DDIT4L: variants seen among roughly 807,000 people sequenced by gnomAD.
DDIT4L encodes DNA damage-inducible transcript 4-like protein.
A neutral mutation model predicts 15.9 loss-of-function variants in DDIT4L; 13 were observed. The observed-to-expected ratio is 0.82, with a 90% CI of 0.53 to 1.30. The LOEUF is 1.30. Among genes scored for constraint, DDIT4L ranks in the 50% most tolerant of loss-of-function variants. The probability of loss-of-function intolerance (pLI) is 0.00; values close to 1 mark genes in which losing one functional copy is unlikely to be tolerated. For missense variants in DDIT4L, 235 were observed against 224.8 expected, an observed-to-expected ratio of 1.05 and a Z score of -0.29; for synonymous variants, 82 against 85.4, an observed-to-expected ratio of 0.96 and a Z score of 0.22.
Position 100,188,149 on chromosome 4 carries a change from T to A in DDIT4L, c.110A>T (p.Tyr37Phe). 1 of 1,607,512 alleles carries A rather than the reference T, an allele frequency of 6.2e-7. No individual in the cohort carries two copies. The highest frequency in any genetic ancestry group is 8.5e-7 in the Non-Finnish European group (1 of 1,179,326). The change falls in exon 3 of 3, where the codon TAT (tyrosine) becomes TTT (phenylalanine). Residue 37 changes from tyrosine to phenylalanine, a missense_variant. Tyr to Phe is a conservative substitution (Grantham distance 22). Coordinates refer to ENST00000273990, the MANE Select transcript of DDIT4L (RefSeq NM_145244.4). The stretch of plus-strand genomic sequence containing the variant: ...GTTGAGGTTGGGTTCAGGAACAACA[T>A]AATCCCAGTAGTCAAAATCTGTAAG... ...SLLSDFDYWDYVVPEPNLNEV... is the reference protein window; with the variant it reads ...SLLSDFDYWDFVVPEPNLNEV...
At chr4:100,189,836 T>C (rs1723484658) in intron 2 of DDIT4L, 57 bp downstream of exon 2, 1 of 1,550,168 alleles carries the variant, frequency 6.5e-7, no homozygotes, top group Non-Finnish European at 8.9e-7. Flanking sequence ...GCCCACCCAA[T>C]AGATCCAGAG....
At position 100,187,708 on chromosome 4, in the gene DDIT4L, A is replaced by C; in HGVS notation, c.551T>G (p.Leu184Arg). ...FRLVKKKLYS[L>R]IGTTVIEGS is the part of the protein sequence containing the mutation. The stretch of plus-strand genomic sequence containing the variant: ...CCCTTCAATCACTGTTGTTCCAATC[A>C]GTGAGTAAAGTTTTTTCTTAACAAG... Residue 184 changes from leucine (L) to arginine (R), a missense_variant, in exon 3 of 3, where the codon CTG (leucine) becomes CGG (arginine). Physicochemically the swap from Leu to Arg is moderately radical, Grantham distance 102. Coordinates refer to ENST00000273990, the MANE Select transcript of DDIT4L (RefSeq NM_145244.4). 1 of 1,607,230 alleles carries C rather than the reference A, an allele frequency of 6.2e-7. No homozygotes were observed. Among genetic ancestry groups the C allele is most frequent in the Non-Finnish European group, 8.5e-7 (1 of 1,178,268 alleles).
At chr4:100,188,272 C>A (rs999640187) in intron 2 of DDIT4L, 105 bp from the exon 3 acceptor site, 6 of 1,227,734 alleles carry the variant, frequency 4.9e-6, no homozygotes, top group Middle Eastern at 2.3e-4. Context: ...CCATGTCTGC[C>A]TTTTTCTTGT....
rs1278596562 is a variant in DDIT4L, at chr4:100,189,897, TAGC to T, written c.84_86del (p.Leu29del). On this transcript the variant is annotated inframe_deletion, in exon 2 of 3. Coordinates refer to ENST00000273990, the MANE Select transcript of DDIT4L (RefSeq NM_145244.4). ...GTGGACAGCGGGGACACTCACCACT[TAGC>T]AGGCTCTCTGGGTGATAGCCACAGT... 2 of 1,613,774 alleles carry T rather than the reference TAGC, an allele frequency of 1.2e-6. No individual in the cohort carries two copies. Among genetic ancestry groups the T allele is most frequent in the African/African-American group, 1.3e-5 (1 of 74,898 alleles).
In DDIT4L at chr4:100,189,845, A is replaced by G. The variant is rs1723484839; in HGVS notation, c.91+48T>C. Reference sequence around the variant, plus strand: ...AAGCCCGCCCACCCAATAGATCCAGAGGCACCGACCTTGGGAGGGGAGAAG... The same window carrying G: ...AAGCCCGCCCACCCAATAGATCCAGGGGCACCGACCTTGGGAGGGGAGAAG... On this transcript the variant is annotated intron_variant, in intron 2 of 2. Transcript: ENST00000273990. The G allele has an allele frequency of 1.9e-6, 3 of 1,581,606 alleles. No individual in the cohort carries two copies. The East Asian group carries it at 6.8e-5, about 36-fold the overall frequency.
intron 2 of DDIT4L, 47 bp downstream of exon 2, chr4:100,189,846 G>C (rs753276414): frequency 6.3e-7 from 1 of 1,585,270 alleles, no homozygotes; most frequent in East Asian, 2.3e-5. Context: ...TAGATCCAGA[G>C]GCACCGACCT....
intron 2 of DDIT4L, among the ~76,000 whole-genome samples, 194 bp downstream of exon 2, chr4:100,189,699 G>A (rs565721496): frequency 2.6e-5 from 4 of 152,254 alleles, no homozygotes; most frequent in African/African-American, 7.2e-5. Context: ...GCAGCCCTCG[G>A]GTATTCTACT....
At position 100,187,931 on chromosome 4, in the gene DDIT4L, C is replaced by T. The variant is rs140725424; in HGVS notation, c.328G>A (p.Val110Met). The T allele has an allele frequency of 1.5e-4, 240 of 1,614,092 alleles. 1 individual carries two copies. In the East Asian group the frequency reaches 3.5e-3, roughly 24 times the overall value. The change falls in exon 3 of 3, where the codon GTG (valine) becomes ATG (methionine). Residue 110 changes from valine (V) to methionine (M), a missense_variant. Coordinates refer to ENST00000273990, the MANE Select transcript of DDIT4L (RefSeq NM_145244.4). ...PCGLRGCVMH[V>M]NLEIENVCKK... is the part of the protein sequence containing the mutation. ...CATACATTTTCAATTTCCAAGTTCA[C>T]GTGCATAACACAACCTCGCAAGCCG...
chr4:100,187,594 G>A lies in DDIT4L; in HGVS notation c.*83C>T. The A allele has an allele frequency of 1.4e-6, 2 of 1,456,416 alleles. No individual in the cohort carries two copies. Among genetic ancestry groups the A allele is most frequent in the Non-Finnish European group, 1.8e-6 (2 of 1,099,268 alleles). 90.2% of individuals were successfully genotyped at this position (1,456,416 alleles called of 1,614,324 possible). ...TGGGGTTTCTTATTTAGGGCAGGTG[G>A]GGCAAACTACAAATGACTTTAGCTG... On this transcript the variant is annotated 3_prime_UTR_variant, in exon 3 of 3. Coordinates refer to ENST00000273990, the MANE Select transcript of DDIT4L (RefSeq NM_145244.4).
rs1228057018 is a variant in DDIT4L at position 100,187,361 on chromosome 4, TACCTGAA to T, written c.*309_*315del. The T allele has an allele frequency of 4.5e-6, 1 of 220,716 alleles. No individual in the cohort carries two copies. The highest frequency in any genetic ancestry group is 8.7e-6 in the Non-Finnish European group (1 of 114,992). The allele number at this position is 220,716 out of a possible 1,614,324, so 13.7% of individuals were successfully genotyped here. On this transcript the variant is annotated 3_prime_UTR_variant, in exon 3 of 3. Transcript: ENST00000273990. ...GGTTTATATAGTCTATTACCAAGCC[TACCTGAA>T]ACCAAATTGTGGAATCAAATGTAAA...
Position 100,187,801 on chromosome 4 carries a change from A to C in DDIT4L, c.458T>G (p.Phe153Cys), listed in dbSNP as rs111601345. 1.2e-6 allele frequency: 2 copies of C among 1,613,422 alleles called. No individual in the cohort carries two copies. The highest frequency in any genetic ancestry group is 2.7e-5 in the African/African-American group (2 of 74,842). Reference sequence around the variant, plus strand: ...GGAGAAGCGACCTCTACTAAAGAAAAAGTCCCTGAAGCTAGTCCATGAGCA... The same window carrying C: ...GGAGAAGCGACCTCTACTAAAGAAACAGTCCCTGAAGCTAGTCCATGAGCA... Reference protein sequence around the residue: ...ENCSWTSFRDFFFSRGRFSSG... With the variant: ...ENCSWTSFRDCFFSRGRFSSG... The change falls in exon 3 of 3, where the codon TTT (phenylalanine) becomes TGT (cysteine). Residue 153 changes from phenylalanine to cysteine, a missense_variant. Phe to Cys is a radical substitution (Grantham distance 205, BLOSUM62 -2). Transcript: ENST00000273990.
At position 100,186,383 on chromosome 4, in the gene DDIT4L, C is replaced by G. The variant is rs753137487; in HGVS notation, c.*1294G>C. On this transcript the variant is annotated 3_prime_UTR_variant, in exon 3 of 3. Transcript: ENST00000273990. ...GAAACCTGAATAAGCTCCTTATCCA[C>G]GACCCACAGCAAGGATATGAAAGCC... 6.6e-6 allele frequency: 1 copy of G among 152,136 alleles called. No individual in the cohort carries two copies. The highest frequency in any genetic ancestry group is 6.5e-5 in the Admixed American group (1 of 15,274). 9.4% of individuals were successfully genotyped at this position (152,136 alleles called of 1,614,324 possible). A position where few individuals can be genotyped will look rare whatever the true frequency, so the allele number is the denominator to read the frequency against.
chr4:100,190,219 A>G, intron 1 of DDIT4L, 84 bp downstream of exon 1: 1 of 512,444 alleles, frequency 2.0e-6, no homozygotes, highest in East Asian at 3.6e-5. Context: ...AACTAACTCA[A>G]CAGTTCGCAA....
rs145506344 is a variant in DDIT4L, at chr4:100,187,767, G to C, written c.492C>G (p.Phe164Leu). 1.2e-6 allele frequency: 2 copies of C among 1,612,594 alleles called. No homozygotes were observed. Among genetic ancestry groups the C allele is most frequent in the African/African-American group, 1.3e-5 (1 of 74,746 alleles). Residue 164 changes from phenylalanine to leucine, a missense_variant, in exon 3 of 3, where the codon TTC becomes TTG. Transcript: ENST00000273990. Reference sequence around the variant, plus strand: ...CTGAGCTGAGGATCAGAGTTCTCCTGAAACCAGAGGAGAAGCGACCTCTAC... The same window carrying C: ...CTGAGCTGAGGATCAGAGTTCTCCTCAAACCAGAGGAGAAGCGACCTCTAC... ...FFSRGRFSSG[F>L]RRTLILSSGF...
rs780819855 is a variant in DDIT4L at position 100,188,010 on chromosome 4, T to A, written c.249A>T (p.Lys83Asn). The A allele has an allele frequency of 6.2e-7, 1 of 1,614,178 alleles. No individual in the cohort carries two copies. The highest frequency in any genetic ancestry group is 1.7e-5 in the Admixed American group (1 of 60,018). The stretch of plus-strand genomic sequence containing the variant: ...CATCTTGAGCAATTCTCTGGGTCAG[T>A]TTCTCAGGGACAAGGACCTTTGAGC... ...LGCSKVLVPE[K>N]LTQRIAQDVL... The change falls in exon 3 of 3, where the codon AAA becomes AAT. Residue 83 changes from lysine to asparagine, a missense_variant. Transcript: ENST00000273990.
At chr4:100,188,282 T>C (rs1031574218) in intron 2 of DDIT4L, 115 bp from the exon 3 acceptor site, 5 of 1,167,150 alleles carry the variant, frequency 4.3e-6, no homozygotes, top group African/African-American at 1.6e-5. Flanking sequence ...CTTTTTCTTG[T>C]ATTTGTTTCA....
chr4:100,189,412 C>T (rs770453206), intron 2 of DDIT4L, among the ~76,000 whole-genome samples: 1 of 152,090 alleles, frequency 6.6e-6, no homozygotes, highest in African/African-American at 2.4e-5. Context: ...CATTAGGCTG[C>T]GGGAAAGAAA....
rs1413734308 is a variant in DDIT4L, at chr4:100,187,480, T to C, written c.*197A>G. ...GGATCTATGCAGAAAATCTACACTA[T>C]TTTGAATCACTTCTCCAAAGGCCAG... is the stretch of plus-strand genomic sequence containing the variant. On this transcript the variant is annotated 3_prime_UTR_variant, in exon 3 of 3. Coordinates refer to ENST00000273990, the MANE Select transcript of DDIT4L (RefSeq NM_145244.4). 8.8e-6 allele frequency: 5 copies of C among 565,718 alleles called. No homozygotes were observed. Among genetic ancestry groups the C allele is most frequent in the Non-Finnish European group, 1.5e-5 (5 of 344,080 alleles). 35.0% of individuals were successfully genotyped at this position (565,718 alleles called of 1,614,324 possible). A position where few individuals can be genotyped will look rare whatever the true frequency, so the allele number is the denominator to read the frequency against.
Position 100,187,803 on chromosome 4 carries a change from G to T in DDIT4L, c.456C>A (p.Asp152Glu). ...QENCSWTSFR[D>E]FFFSRGRFSS... ...AGAAGCGACCTCTACTAAAGAAAAA[G>T]TCCCTGAAGCTAGTCCATGAGCAGT... The change falls in exon 3 of 3, where the codon GAC becomes GAA. Residue 152 changes from aspartate (D) to glutamate (E), a missense_variant. By Grantham distance (45) the Asp-to-Glu change is conservative. Coordinates refer to ENST00000273990, the MANE Select transcript of DDIT4L (RefSeq NM_145244.4). The T allele has an allele frequency of 6.2e-7, 1 of 1,613,576 alleles. No homozygotes were observed. Among genetic ancestry groups the T allele is most frequent in the South Asian group, 1.1e-5 (1 of 90,868 alleles).
Sources: allele counts gnomAD v4.1 joint callset (sites outside exome capture counted in the v4.1 genomes callset), GRCh38; gene constraint gnomAD v4.1.1; transcripts MANE v1.5; gene names NCBI Gene and HGNC (gene_info 2026-07-23, HGNC 2026-07-21).